FDFT1: variants seen among roughly 807,000 people sequenced by gnomAD.
FDFT1 encodes squalene synthase.
A neutral mutation model predicts 46.8 loss-of-function variants in FDFT1; 68 were observed. The ratio of observed to expected loss-of-function variants is 1.45; its 90% confidence interval spans 1.19 to 1.78. FDFT1 has a LOEUF of 1.78. FDFT1 is among the 40% of genes most tolerant of loss of function. FDFT1 has a pLI of 0.00. For missense variants in FDFT1, 928 were observed against 524.4 expected (o/e 1.77, Z -7.52); for synonymous variants, 351 against 185.1 (o/e 1.90, Z -7.28).
chr8:11,832,414 G>A (rs764339716), intron 7 of FDFT1, among the ~76,000 whole-genome samples: 13 of 151,652 alleles, frequency 8.6e-5, no homozygotes, highest in Non-Finnish European at 1.6e-4. Context: ...AATTGTCATG[G>A]TGGTGCACGC....
At chr8:11,807,048 T>A (rs183009879) in intron 1 of FDFT1, among the ~76,000 whole-genome samples, 24 of 152,186 alleles carry the variant, frequency 1.6e-4, no homozygotes, top group African/African-American at 5.3e-4. Flanking sequence ...CATAGTTCAC[T>A]TAAACCTCCC....
In FDFT1 at chr8:11,821,808, G is replaced by GC. The variant is rs769242911; in HGVS notation, c.442dup (p.Arg148ProfsTer13). The GC allele has an allele frequency of 1.5e-5, 24 of 1,613,634 alleles. No individual in the cohort carries two copies. The highest frequency in any genetic ancestry group is 1.9e-5 in the Non-Finnish European group (23 of 1,179,720). On this transcript the variant is annotated frameshift_variant, in exon 4 of 8. Coordinates refer to ENST00000220584, the MANE Select transcript of FDFT1 (RefSeq NM_004462.5). LOFTEE classifies it high-confidence loss of function. ...TACCAAACAGTGATTGCCGACATTT[G>GC]CCGGAGAATGGGCATTGGGATGGCA...
chr8:11,811,319 C>G (rs1259330304), intron 3 of FDFT1, among the ~76,000 whole-genome samples: 1 of 152,172 alleles, frequency 6.6e-6, no homozygotes, highest in Non-Finnish European at 1.5e-5. Flanking sequence ...AGTGCATTCT[C>G]ACTTAAAAAC....
At chr8:11,809,919 C>T (rs1439190200) in intron 3 of FDFT1, 69 bp downstream of exon 3, 9 of 1,216,968 alleles carry the variant, frequency 7.4e-6, no homozygotes, top group South Asian at 2.8e-5. Context: ...TGTCCGGTAG[C>T]CTCCATACAT....
At chr8:11,814,602 A>T (rs1432198598) in intron 3 of FDFT1, among the ~76,000 whole-genome samples, 1 of 152,212 alleles carries the variant, frequency 6.6e-6, no homozygotes, top group Non-Finnish European at 1.5e-5. Flanking sequence ...CCTATAAACA[A>T]TTCTTTGAAC....
chr8:11,827,866 C>G (rs1248287492), intron 5 of FDFT1, among the ~76,000 whole-genome samples: 2 of 151,116 alleles, frequency 1.3e-5, no homozygotes, highest in Non-Finnish European at 2.9e-5. Context: ...GTAGTGAGAC[C>G]TTATCTCTTA....
At chr8:11,834,812 T>C (rs1177589497) in intron 7 of FDFT1, among the ~76,000 whole-genome samples, 1 of 152,138 alleles carries the variant, frequency 6.6e-6, no homozygotes, top group African/African-American at 2.4e-5. Flanking sequence ...CTAGTAAACA[T>C]TTATAGGAGC....
intron 3 of FDFT1, among the ~76,000 whole-genome samples, chr8:11,821,250 A>T (rs1809195448): frequency 6.6e-6 from 1 of 152,258 alleles, no homozygotes. Context: ...TAGAAACATT[A>T]GCATTTTTAG....
At chr8:11,802,059 C>T (rs556318816), upstream of FDFT1, 2 of 455,778 alleles carry the variant, frequency 4.4e-6, no homozygotes, top group Middle Eastern at 3.8e-4. Flanking sequence ...GTTACAGGCT[C>T]TCTAAGGCTT....
At chr8:11,813,910 C>T (rs539219161) in intron 3 of FDFT1, among the ~76,000 whole-genome samples, 1 of 152,182 alleles carries the variant, frequency 6.6e-6, no homozygotes, top group Non-Finnish European at 1.5e-5. Context: ...CCTGTCCATC[C>T]TCTGGGTTTC....
In FDFT1 at chr8:11,809,709, C is replaced by A. The variant is rs1360804137; in HGVS notation, c.240C>A (p.Asp80Glu). Reference protein sequence around the residue: ...CIFYLVLRALDTLEDDMTISV... With the variant: ...CIFYLVLRALETLEDDMTISV... ...TTTATCTGGTTCTCCGAGCTCTGGA[C>A]ACACTGGAAGATGACATGACCATCA... Residue 80 changes from aspartate to glutamate, a missense_variant, in exon 3 of 8, where the codon GAC (aspartate) becomes GAA (glutamate). By Grantham distance (45) the Asp-to-Glu change is conservative. Coordinates refer to ENST00000220584, the MANE Select transcript of FDFT1 (RefSeq NM_004462.5). The A allele has an allele frequency of 6.2e-7, 1 of 1,614,074 alleles. No homozygotes were observed. The highest frequency in any genetic ancestry group is 8.5e-7 in the Non-Finnish European group (1 of 1,179,968).
intron 7 of FDFT1, among the ~76,000 whole-genome samples, chr8:11,836,422 G>A (rs1192027580): frequency 6.6e-6 from 1 of 152,256 alleles, no homozygotes; most frequent in Non-Finnish European, 1.5e-5. Context: ...CTGACGAGCT[G>A]CAGGAACTGC....
Position 11,808,813 on chromosome 8 carries a change from T to C in FDFT1, c.119T>C (p.Leu40Pro). The C allele has an allele frequency of 6.2e-7, 1 of 1,613,740 alleles. No homozygotes were observed. Among genetic ancestry groups the C allele is most frequent in the Non-Finnish European group, 8.5e-7 (1 of 1,179,918 alleles). Residue 40 changes from leucine to proline, a missense_variant, in exon 2 of 8, where the codon CTG becomes CCG. Coordinates refer to ENST00000220584, the MANE Select transcript of FDFT1 (RefSeq NM_004462.5). Reference protein sequence around the residue: ...KMDQDSLSSSLKTCYKYLNQT... With the variant: ...KMDQDSLSSSPKTCYKYLNQT... ...CCGCAGGACTCGCTCAGCAGCAGCC[T>C]GAAAACTTGCTACAAGTATCTCAAT...
intron 7 of FDFT1, among the ~76,000 whole-genome samples, chr8:11,834,694 T>A (rs1166909372): frequency 6.6e-6 from 1 of 152,256 alleles, no homozygotes; most frequent in Non-Finnish European, 1.5e-5. Context: ...ATCAAGCTGA[T>A]TCCATATTCG....
At chr8:11,805,632 A>G (rs1474756608) in intron 1 of FDFT1, among the ~76,000 whole-genome samples, 3 of 152,204 alleles carry the variant, frequency 2.0e-5, no homozygotes, top group Non-Finnish European at 4.4e-5. Flanking sequence ...CAACTTCCCA[A>G]CTCTAAGATG....
intron 2 of FDFT1, chr8:11,809,099 C>G: frequency 7.8e-7 from 1 of 1,284,240 alleles, no homozygotes; most frequent in Non-Finnish European, 1.0e-6. Flanking sequence ...CCCAGCCTTT[C>G]AGAGAAGAGG....
At chr8:11,835,971 T>TAAAAAAAAAAAAAAAAAAAAAAAAA (rs755611965) in intron 7 of FDFT1, among the ~76,000 whole-genome samples, 2 of 64,614 alleles carry the variant, frequency 3.1e-5, no homozygotes, top group African/African-American at 5.1e-5. Context: ...CTGTCTCTAC[T>TAAAAAAAAAAAAAAAAAAAAAAAAA]AAAAAAAAAA....
intron 1 of FDFT1, chr8:11,808,223 C>G (rs1043068670): frequency 8.5e-7 from 1 of 1,169,824 alleles, no homozygotes; most frequent in Non-Finnish European, 1.1e-6. Flanking sequence ...TCAGCGGAGC[C>G]CGAGTAGAGT....
intron 1 of FDFT1, chr8:11,803,256 G>GC (rs1357338734): frequency 7.4e-7 from 1 of 1,355,694 alleles, no homozygotes; most frequent in African/African-American, 1.5e-5. Flanking sequence ...CACATCTGAG[G>GC]CAATGTGGGT....
Sources: allele counts gnomAD v4.1 joint callset (sites outside exome capture counted in the v4.1 genomes callset), GRCh38; gene constraint gnomAD v4.1.1; transcripts MANE v1.5; gene names NCBI Gene and HGNC (gene_info 2026-07-23, HGNC 2026-07-21).